Variants in RPS6KA3 observed in about 807,000 individuals in gnomAD.
RPS6KA3 encodes the protein ribosomal protein S6 kinase A3.
In RPS6KA3, 4 loss-of-function variants were observed where a neutral mutation model predicts 67.2. That is an observed-to-expected ratio of 0.06 (90% CI 0.03 to 0.14). The LOEUF is 0.14. Among genes scored for constraint, RPS6KA3 ranks in the 10% least tolerant of loss-of-function variants. The probability of loss-of-function intolerance (pLI) is 1.00; values close to 1 mark genes in which losing one functional copy is unlikely to be tolerated. For missense variants in RPS6KA3, 204 were observed against 559.0 expected, an observed-to-expected ratio of 0.36 and a Z score of 6.40; for synonymous variants, 182 against 183.7, an observed-to-expected ratio of 0.99 and a Z score of 0.07.
intron 2 of RPS6KA3, among the ~76,000 whole-genome samples, chrX:20,225,517 A>G (rs1283632425): frequency 1.8e-5 from 2 of 111,418 alleles, no homozygotes; most frequent in Non-Finnish European, 3.8e-5. Context: ...ATACACTCTC[A>G]ACCAATGAGA....
In RPS6KA3 at chrX:20,256,172, C is replaced by CAAAAAAAAA. The variant is rs35947983; in HGVS notation, c.69+10383_69+10391dup. On this transcript the variant is annotated intron_variant, in intron 1 of 21. Coordinates refer to ENST00000379565, the MANE Select transcript of RPS6KA3 (RefSeq NM_004586.3). ...TGGGTGACAGAGTGAGACACCGTCT[C>CAAAAAAAAA]AAAAAAAAAAAAAAAAAAAAAAAAA... 6.2e-4 allele frequency among the ~76,000 whole-genome samples: 9 copies of CAAAAAAAAA among 14,467 alleles called. 1 individual carries two copies. Among genetic ancestry groups the CAAAAAAAAA allele is most frequent in the Non-Finnish European group, 8.6e-4 (7 of 8,146 alleles). The allele number at this position is 14,467 out of a possible 115,157, so 12.6% of individuals were successfully genotyped here.
rs2068022103 is a variant in RPS6KA3, at chrX:20,187,741, T to C, written c.774+87A>G. ...TACATATGGCATAAAATAAAGAAAA[T>C]AAAAACACCAGTTTCTTTAACATTC... On this transcript the variant is annotated intron_variant, in intron 9 of 21. Coordinates refer to ENST00000379565, the MANE Select transcript of RPS6KA3 (RefSeq NM_004586.3). 3.7e-6 allele frequency: 3 copies of C among 804,081 alleles called. No individual in the cohort carries two copies. In the East Asian group the frequency reaches 9.4e-5, roughly 25 times the overall value. The allele number at this position is 804,081 out of a possible 1,213,427, so 66.3% of individuals were successfully genotyped here.
At chrX:20,202,830 G>A (rs1285134621) in intron 4 of RPS6KA3, among the ~76,000 whole-genome samples, 1 of 112,202 alleles carries the variant, frequency 8.9e-6, no homozygotes, top group Non-Finnish European at 1.9e-5. Context: ...TTTGTAACAT[G>A]GGATTCATGA....
At chrX:20,245,570 G>C (rs910080662) in intron 1 of RPS6KA3, among the ~76,000 whole-genome samples, 5 of 111,848 alleles carry the variant, frequency 4.5e-5, no homozygotes, top group Non-Finnish European at 9.4e-5. Context: ...GAGAAAATTA[G>C]TAAAGTATCA....
chrX:20,159,911 C>T (rs1326463762), intron 20 of RPS6KA3, among the ~76,000 whole-genome samples: 1 of 111,285 alleles, frequency 9.0e-6, no homozygotes, highest in Non-Finnish European at 1.9e-5. Context: ...ATCCTCAGCA[C>T]GAGCCACAAA....
chrX:20,225,249 T>G (rs370846842), intron 2 of RPS6KA3, among the ~76,000 whole-genome samples: 3,195 of 96,819 alleles, frequency 0.033, 132 homozygotes, highest in African/African-American at 0.11. Context: ...TTTTGTTTTT[T>G]TTTTTGTTTT....
At chrX:20,202,450 C>G (rs973853982) in intron 4 of RPS6KA3, among the ~76,000 whole-genome samples, 1 of 111,785 alleles carries the variant, frequency 8.9e-6, no homozygotes, top group Non-Finnish European at 1.9e-5. Flanking sequence ...CCCCCAATAA[C>G]ACACTAAGTT....
intron 4 of RPS6KA3, among the ~76,000 whole-genome samples, chrX:20,201,421 G>A (rs992284859): frequency 1.8e-5 from 2 of 111,529 alleles, no homozygotes; most frequent in Non-Finnish European, 3.8e-5. Context: ...TTACAAGTGC[G>A]AGCCACTGTG....
intron 1 of RPS6KA3, among the ~76,000 whole-genome samples, chrX:20,260,296 T>C (rs932607866): frequency 8.9e-6 from 1 of 111,872 alleles, no homozygotes; most frequent in Admixed American, 9.5e-5. Context: ...AAAGATACAA[T>C]CAAGTGTAAG....
In RPS6KA3 at chrX:20,154,942, AACAT is replaced by A; in HGVS notation, c.*452_*455del. 1 of 188,526 alleles carries A rather than the reference AACAT, an allele frequency of 5.3e-6. No homozygotes were observed. The highest frequency in any genetic ancestry group is 1.0e-5 in the Non-Finnish European group (1 of 100,463). The allele number at this position is 188,526 out of a possible 1,213,427, so 15.5% of individuals were successfully genotyped here. ...GTACTGTATATGAACTGTTTACAAA[AACAT>A]ACAAAATGTTGGATGGCACAAGGGA... On this transcript the variant is annotated 3_prime_UTR_variant, in exon 22 of 22. Coordinates refer to ENST00000379565, the MANE Select transcript of RPS6KA3 (RefSeq NM_004586.3).
At chrX:20,178,141 C>T (rs2067745148) in intron 10 of RPS6KA3, among the ~76,000 whole-genome samples, 1 of 111,353 alleles carries the variant, frequency 9.0e-6, no homozygotes, top group Non-Finnish European at 1.9e-5. Context: ...AACTCATGGT[C>T]CATGGTGAAG....
At chrX:20,214,394 T>C (rs926629670) in intron 2 of RPS6KA3, among the ~76,000 whole-genome samples, 11 of 112,553 alleles carry the variant, frequency 9.8e-5, no homozygotes, top group African/African-American at 3.2e-4. Context: ...CCCATTTGTA[T>C]AGTTTGGCTT....
intron 10 of RPS6KA3, among the ~76,000 whole-genome samples, chrX:20,180,617 T>C (rs2067820162): frequency 9.0e-6 from 1 of 111,540 alleles, no homozygotes; most frequent in African/African-American, 3.3e-5. Flanking sequence ...CACACCTGAA[T>C]GCCCACTGAT....
chrX:20,166,233 T>C (rs1023982361), intron 17 of RPS6KA3, among the ~76,000 whole-genome samples: 1 of 112,063 alleles, frequency 8.9e-6, no homozygotes, highest in Admixed American at 9.5e-5. Context: ...TGAGTCTGTG[T>C]TCCAATCAAT....
chrX:20,180,010 G>C, intron 10 of RPS6KA3, among the ~76,000 whole-genome samples: 1 of 110,925 alleles, frequency 9.0e-6, no homozygotes, highest in Middle Eastern at 4.6e-3. Context: ...GATCGTTTGA[G>C]CCCAGGAGTT....
chrX:20,230,509 T>C (rs776564079), intron 2 of RPS6KA3, among the ~76,000 whole-genome samples: 6 of 111,732 alleles, frequency 5.4e-5, no homozygotes, highest in Admixed American at 9.5e-5. Flanking sequence ...AGAAGGAACA[T>C]TGCCTTTGAA....
chrX:20,259,991 G>A, intron 1 of RPS6KA3, among the ~76,000 whole-genome samples: 1 of 110,724 alleles, frequency 9.0e-6, no homozygotes, highest in Admixed American at 9.6e-5. Context: ...AAAATCTAAA[G>A]GATTACATTT....
chrX:20,256,172 CAAAAAAA>C (rs35947983), intron 1 of RPS6KA3, among the ~76,000 whole-genome samples: 33 of 14,446 alleles, frequency 2.3e-3, no homozygotes, highest in Non-Finnish European at 2.7e-3. Context: ...GACACCGTCT[CAAAAAAA>C]AAAAAAAAAA....
intron 10 of RPS6KA3, among the ~76,000 whole-genome samples, chrX:20,185,039 G>A (rs1279452020): frequency 7.2e-5 from 8 of 110,841 alleles, no homozygotes; most frequent in African/African-American, 2.6e-4. Flanking sequence ...TCTGCCTCCC[G>A]GGTTCAAGTG....
Sources: allele counts gnomAD v4.1 joint callset (sites outside exome capture counted in the v4.1 genomes callset), GRCh38; gene constraint gnomAD v4.1.1; transcripts MANE v1.5; gene names NCBI Gene and HGNC (gene_info 2026-07-23, HGNC 2026-07-21).